SHC4: variants seen among roughly 807,000 people sequenced by gnomAD.
SHC4 encodes SHC adaptor protein 4.
Under a neutral mutation model 69.4 loss-of-function variants are expected in SHC4, and 41 were observed. The ratio of observed to expected loss-of-function variants is 0.59; its 90% confidence interval spans 0.46 to 0.77. The LOEUF is 0.77. SHC4 is among the 30% of genes least tolerant of loss of function. SHC4 has a pLI of 0.00. For synonymous variants in SHC4, 318 were observed against 299.3 expected (o/e 1.06, Z -0.64); for missense variants, 777 against 783.8 (o/e 0.99, Z 0.10).
chr15:48,888,931 A>G (rs1222362368), intron 3 of SHC4, among the ~76,000 whole-genome samples: 1 of 150,868 alleles, frequency 6.6e-6, no homozygotes, highest in Non-Finnish European at 1.5e-5. Context: ...TATGTTATGG[A>G]TATTTTACCA....
intron 2 of SHC4, 135 bp downstream of exon 2, chr15:48,924,744 G>A (rs1270366221): frequency 4.8e-6 from 4 of 825,752 alleles, no homozygotes; most frequent in Non-Finnish European, 5.9e-6. Context: ...AGGTCACTGG[G>A]CGAGCCTTCT....
At chr15:48,952,633 T>C (rs1025613493) in intron 1 of SHC4, among the ~76,000 whole-genome samples, 6 of 152,068 alleles carry the variant, frequency 3.9e-5, no homozygotes, top group Admixed American at 6.5e-5. Context: ...AACAGACACT[T>C]CTCGAAAGAA....
chr15:48,942,612 T>C (rs907995937), intron 1 of SHC4, among the ~76,000 whole-genome samples: 2 of 152,236 alleles, frequency 1.3e-5, no homozygotes, highest in African/African-American at 4.8e-5. Flanking sequence ...AATTATTTTT[T>C]ACATTGCTTG....
intron 2 of SHC4, among the ~76,000 whole-genome samples, chr15:48,901,121 G>A (rs1293322708): frequency 6.6e-6 from 1 of 152,286 alleles, no homozygotes; most frequent in South Asian, 2.1e-4. Context: ...TTCTTTTGGG[G>A]TGTTTTTTCC....
intron 10 of SHC4, among the ~76,000 whole-genome samples, chr15:48,838,704 A>C (rs764776508): frequency 3.3e-5 from 5 of 151,414 alleles, no homozygotes; most frequent in African/African-American, 4.8e-5. Context: ...AAGTGCTCCA[A>C]TAGAAAAAAC....
intron 1 of SHC4, among the ~76,000 whole-genome samples, chr15:48,945,778 C>T (rs1901266413): frequency 6.6e-6 from 1 of 152,054 alleles, no homozygotes; most frequent in South Asian, 2.1e-4. Context: ...TGTTTTAAAA[C>T]TAGACAATGG....
At chr15:48,916,317 A>C (rs567977582) in intron 2 of SHC4, among the ~76,000 whole-genome samples, 21 of 137,684 alleles carry the variant, frequency 1.5e-4, no homozygotes, top group African/African-American at 4.5e-4. Context: ...ACACACACAC[A>C]CCCAGAAGTA....
chr15:48,891,993 A>T (rs903795825), intron 2 of SHC4, among the ~76,000 whole-genome samples: 1 of 152,090 alleles, frequency 6.6e-6, no homozygotes, highest in Admixed American at 6.6e-5. Flanking sequence ...TAGCTGGGAC[A>T]ACAGGCGCCC....
At position 48,923,560 on chromosome 15, in the gene SHC4, A is replaced by AG. The variant is rs1491404386; in HGVS notation, c.656+1318_656+1319insC. ...ACTCTGTCTCAAAAAAAAAAAAAAA[A>AG]CAAAAAAGAAAAAAGAAAAAGAAAA... On this transcript the variant is annotated intron_variant, in intron 2 of 11. Coordinates refer to ENST00000332408, the MANE Select transcript of SHC4 (RefSeq NM_203349.4). 5.7e-3 allele frequency among the ~76,000 whole-genome samples: 808 copies of AG among 140,740 alleles called. 12 individuals carry two copies. The highest frequency in any genetic ancestry group is 0.021 in the African/African-American group (774 of 37,174). The allele number at this position is 140,740 out of a possible 152,430, so 92.3% of individuals were successfully genotyped here.
rs533596055 is a variant in SHC4 at position 48,885,351 on chromosome 15, C to T, written c.721-984G>A. On this transcript the variant is annotated intron_variant, in intron 3 of 11. Coordinates refer to ENST00000332408, the MANE Select transcript of SHC4 (RefSeq NM_203349.4). The stretch of plus-strand genomic sequence containing the variant: ...ATGTGGGGGGAAAAACAGTAGCCAC[C>T]TCATAAGGGCTGTTGTGAAGATTAA... Among the ~76,000 whole-genome samples, 3 of 152,248 alleles carry T rather than the reference C, an allele frequency of 2.0e-5. No individual in the cohort carries two copies. The South Asian group carries it at 6.2e-4, about 32-fold the overall frequency.
In SHC4 at chr15:48,834,785, A is replaced by AC. The variant is rs1380821387; in HGVS notation, c.1720dup (p.Val574GlyfsTer4). ...CAATGATACCTTGCCTTCAGGATCC[A>AC]CCAGGAGAAGATGTTTTGCTTGGCC... is the stretch of plus-strand genomic sequence containing the variant. On this transcript the variant is annotated frameshift_variant, in exon 11 of 12. Coordinates refer to ENST00000332408, the MANE Select transcript of SHC4 (RefSeq NM_203349.4). LOFTEE classifies it high-confidence loss of function. 6.2e-7 allele frequency: 1 copy of AC among 1,614,148 alleles called. No individual in the cohort carries two copies. Among genetic ancestry groups the AC allele is most frequent in the South Asian group, 1.1e-5 (1 of 91,084 alleles).
chr15:48,873,697 T>C (rs1595740357), intron 4 of SHC4, among the ~76,000 whole-genome samples: 1 of 151,820 alleles, frequency 6.6e-6, no homozygotes, highest in South Asian at 2.1e-4. Flanking sequence ...GCTGAGATCA[T>C]GCCACTGCAC....
intron 6 of SHC4, among the ~76,000 whole-genome samples, chr15:48,860,066 A>G (rs1210203129): frequency 6.6e-6 from 1 of 152,046 alleles, no homozygotes; most frequent in African/African-American, 2.4e-5. Context: ...GAAAGGAAGA[A>G]AGAGAGAGAG....
In SHC4 at chr15:48,834,936, C is replaced by T. The variant is rs1397407395; in HGVS notation, c.1570G>A (p.Glu524Lys). 6.8e-6 allele frequency: 11 copies of T among 1,613,726 alleles called. No homozygotes were observed. Among genetic ancestry groups the T allele is most frequent in the East Asian group, 2.2e-5 (1 of 44,834 alleles). The change falls in exon 11 of 12, where the codon GAA becomes AAA. Residue 524 changes from glutamate to lysine, a missense_variant. Glu to Lys is a moderately conservative substitution (Grantham distance 56). Coordinates refer to ENST00000332408, the MANE Select transcript of SHC4 (RefSeq NM_203349.4). ...CTCAGCTTGCCATGATAGCATTCTT[C>T]GCTCCACAGCTGCTGCTTAATGTGT... is the stretch of plus-strand genomic sequence containing the variant. ...LPHIKQQLWS[E>K]ECYHGKLSRK...
At chr15:48,949,233 T>C (rs1027769749) in intron 1 of SHC4, among the ~76,000 whole-genome samples, 1 of 151,746 alleles carries the variant, frequency 6.6e-6, no homozygotes, top group Non-Finnish European at 1.5e-5. Context: ...TAGCTGGGCA[T>C]GGTGGTGGGC....
chr15:48,946,919 G>A (rs774593725), intron 1 of SHC4, among the ~76,000 whole-genome samples: 1 of 151,692 alleles, frequency 6.6e-6, no homozygotes, highest in Admixed American at 6.5e-5. Flanking sequence ...CATTTGAAAA[G>A]GTTGAGAAGA....
chr15:48,864,010 G>T (rs115634070), intron 6 of SHC4, among the ~76,000 whole-genome samples: 1 of 152,148 alleles, frequency 6.6e-6, no homozygotes, highest in Non-Finnish European at 1.5e-5. Context: ...GAAAATGCCT[G>T]GCACATAGTA....
intron 5 of SHC4, 120 bp from the exon 6 acceptor site, chr15:48,867,989 G>T: frequency 1.3e-6 from 1 of 743,300 alleles, no homozygotes; most frequent in Non-Finnish European, 2.2e-6. Flanking sequence ...TATTTAAAGA[G>T]ACAAGAAAAG....
At chr15:48,865,094 C>T (rs1264917212) in intron 6 of SHC4, among the ~76,000 whole-genome samples, 1 of 152,252 alleles carries the variant, frequency 6.6e-6, no homozygotes, top group Admixed American at 6.5e-5. Flanking sequence ...GTTCTCTAGG[C>T]ATCCCTCTTT....
Sources: gnomAD v4.1 joint callset for allele counts (sites outside exome capture counted in the v4.1 genomes callset) on GRCh38, gnomAD v4.1.1 for gene constraint, MANE v1.5 for transcripts, NCBI Gene and HGNC (gene_info 2026-07-23, HGNC 2026-07-21) for gene names.